The following IL23R variants were observed in gnomAD, a reference collection of about 807,000 sequenced individuals.
IL23R encodes interleukin 23 receptor.
IL23R carries 34 observed loss-of-function variants against 56.9 expected under a neutral mutation model. The ratio of observed to expected loss-of-function variants is 0.60; its 90% CI spans 0.45 to 0.80. The LOEUF is 0.80. IL23R is among the 30% of genes least tolerant of loss of function. IL23R has a pLI of 0.00. For synonymous variants in IL23R, 230 were observed against 249.2 expected, an observed-to-expected ratio of 0.92 and a Z score of 0.73; for missense variants, 635 against 730.0, an observed-to-expected ratio of 0.87 and a Z score of 1.50.
chr1:67,259,196 G>A lies in IL23R; in HGVS notation c.*68G>A, dbSNP rs1161577850. 2 of 1,476,086 alleles carry A rather than the reference G, an allele frequency of 1.4e-6. No homozygotes were observed. The highest frequency in any genetic ancestry group is 2.8e-5 in the African/African-American group (2 of 71,774). The allele number at this position is 1,476,086 out of a possible 1,614,324, so 91.4% of individuals were successfully genotyped here. On this transcript the variant is annotated 3_prime_UTR_variant, in exon 11 of 11. Transcript: ENST00000347310. ...CTGAACTTGGGTTTTCCCTGCAATA[G>A]AAATTGAATTCTGCCTCTTTTTGAA... is the stretch of plus-strand genomic sequence containing the variant.
intron 3 of IL23R, among the ~76,000 whole-genome samples, chr1:67,177,701 T>C (rs1449893484): frequency 6.6e-6 from 1 of 151,432 alleles, no homozygotes; most frequent in Non-Finnish European, 1.5e-5. Context: ...CCCATGCCTA[T>C]GTCCTGAATG....
chr1:67,204,548 A>G (rs1395873773), intron 5 of IL23R, among the ~76,000 whole-genome samples: 1 of 152,194 alleles, frequency 6.6e-6, no homozygotes, highest in African/African-American at 2.4e-5. Context: ...TGCATTTCTC[A>G]TAAGACTAAA....
At chr1:67,253,041 C>A (rs1454122669) in intron 9 of IL23R, among the ~76,000 whole-genome samples, 1 of 152,124 alleles carries the variant, frequency 6.6e-6, no homozygotes, top group Non-Finnish European at 1.5e-5. Context: ...TACAGTTCAT[C>A]CACAGGGATT....
chr1:67,242,747 G>C (rs1570913444), intron 9 of IL23R, among the ~76,000 whole-genome samples: 1 of 152,182 alleles, frequency 6.6e-6, no homozygotes, highest in Non-Finnish European at 1.5e-5. Flanking sequence ...ATTGTCCTCA[G>C]TGAACCATAA....
chr1:67,240,435 C>T (rs576585522), intron 9 of IL23R, among the ~76,000 whole-genome samples, 154 bp downstream of exon 9: 2 of 152,242 alleles, frequency 1.3e-5, no homozygotes, highest in East Asian at 1.9e-4. Flanking sequence ...AGTACTTACC[C>T]ATGCCAAACT....
rs909930760 is a variant in IL23R, at chr1:67,239,248, A to G, written c.1046-931A>G. On this transcript the variant is annotated intron_variant, in intron 8 of 10. Coordinates refer to ENST00000347310, the MANE Select transcript of IL23R (RefSeq NM_144701.3). ...TAACTCAACTTTGACATGCAAGAAA[A>G]GCATTGGTTTTGTTTGTTTGTTTGT... Among the ~76,000 whole-genome samples the G allele has an allele frequency of 2.8e-4, 43 of 152,118 alleles. 1 individual carries two copies. The highest frequency in any genetic ancestry group is 9.7e-4 in the African/African-American group (40 of 41,428).
upstream of IL23R, among the ~76,000 whole-genome samples, chr1:67,165,727 T>C (rs1646866898): frequency 6.6e-6 from 1 of 152,220 alleles, no homozygotes; most frequent in Non-Finnish European, 1.5e-5. Context: ...AGACAAATAC[T>C]GCGTGATCTC....
chr1:67,143,052 A>T (rs1175315945), intron 1 of IL23R, among the ~76,000 whole-genome samples: 2 of 151,484 alleles, frequency 1.3e-5, no homozygotes, highest in Non-Finnish European at 2.9e-5. Flanking sequence ...TGAGAGATTA[A>T]TTTTTTTTTC....
intron 9 of IL23R, among the ~76,000 whole-genome samples, chr1:67,251,195 G>A (rs1179971162): frequency 6.6e-6 from 1 of 152,196 alleles, no homozygotes; most frequent in African/African-American, 2.4e-5. Flanking sequence ...GCTCATGCCT[G>A]TAATTCCAGC....
intron 1 of IL23R, among the ~76,000 whole-genome samples, chr1:67,145,375 T>C (rs185763429): frequency 6.6e-6 from 1 of 152,258 alleles, no homozygotes; most frequent in African/African-American, 2.4e-5. Context: ...ATTGAATGTC[T>C]ACCATACCCT....
chr1:67,140,279 T>C (rs1646624337), intron 1 of IL23R, among the ~76,000 whole-genome samples: 1 of 152,210 alleles, frequency 6.6e-6, no homozygotes, highest in African/African-American at 2.4e-5. Flanking sequence ...ATTTAAAATT[T>C]CTGTATGTCA....
At chr1:67,236,829 GAGTAGTCTTTT>G in intron 8 of IL23R, 27 bp downstream of exon 8, 4 of 1,463,270 alleles carry the variant, frequency 2.7e-6, no homozygotes, top group Non-Finnish European at 3.8e-6. Context: ...TAGGCTTTTT[GAGTAGTCTTTT>G]AGTAATTGCC....
At position 67,185,445 on chromosome 1, in the gene IL23R, C is replaced by T. The variant is rs536375841; in HGVS notation, c.491+2486C>T. On this transcript the variant is annotated intron_variant, in intron 4 of 10. Transcript: ENST00000347310. ...TAGGGTTTTTGTTTTGTTTTGTTTT[C>T]GTTTTTGTTTTTGTTTTTGAGCCAC... is the stretch of plus-strand genomic sequence containing the variant. 7.2e-5 allele frequency among the ~76,000 whole-genome samples: 11 copies of T among 151,868 alleles called. No individual in the cohort carries two copies. The South Asian group carries it at 8.4e-4, about 12-fold the overall frequency.
At chr1:67,187,960 G>A (rs1390198218) in intron 4 of IL23R, among the ~76,000 whole-genome samples, 2 of 152,154 alleles carry the variant, frequency 1.3e-5, no homozygotes, top group Non-Finnish European at 2.9e-5. Context: ...GCTGAGGCAG[G>A]AGAATCGCTT....
chr1:67,220,893 C>A (rs1650196359), intron 7 of IL23R, among the ~76,000 whole-genome samples: 1 of 152,198 alleles, frequency 6.6e-6, no homozygotes, highest in African/African-American at 2.4e-5. Context: ...TGCGGTCCAC[C>A]ATGCTAGCTG....
At chr1:67,202,621 T>A (rs999806768) in intron 5 of IL23R, among the ~76,000 whole-genome samples, 4 of 152,234 alleles carry the variant, frequency 2.6e-5, no homozygotes, top group African/African-American at 7.2e-5. Context: ...AAACTGAGGT[T>A]TGATGGCATT....
At chr1:67,173,759 G>T (rs1024099815) in intron 3 of IL23R, among the ~76,000 whole-genome samples, 1 of 151,946 alleles carries the variant, frequency 6.6e-6, no homozygotes. Context: ...TTAAAATGTA[G>T]ACCAGCAAAA....
intron 9 of IL23R, among the ~76,000 whole-genome samples, chr1:67,242,392 AC>A (rs571855012): frequency 1.1e-3 from 163 of 152,096 alleles, no homozygotes; most frequent in African/African-American, 3.8e-3. Flanking sequence ...CACATAACAG[AC>A]CCCCTTTTCA....
chr1:67,140,638 TA>T (rs1197208395), intron 1 of IL23R, among the ~76,000 whole-genome samples: 3 of 152,220 alleles, frequency 2.0e-5, no homozygotes, highest in African/African-American at 7.2e-5. Context: ...TTAAAAAATG[TA>T]TTAATCTTTG....
Sources: allele counts gnomAD v4.1 joint callset (sites outside exome capture counted in the v4.1 genomes callset), GRCh38; gene constraint gnomAD v4.1.1; transcripts MANE v1.5; gene names NCBI Gene and HGNC (gene_info 2026-07-23, HGNC 2026-07-21).